Variants in CDH23 observed in about 807,000 individuals in gnomAD.
CDH23 encodes cadherin-23.
CDH23 carries 189 observed loss-of-function variants against 317.1 expected under a neutral mutation model. That is an observed-to-expected ratio of 0.60 (90% CI 0.53 to 0.67). The LOEUF (loss-of-function observed/expected upper bound fraction) is 0.67, where lower values mean the gene tolerates loss of function less well. CDH23 is among the 30% of genes least tolerant of loss of function. CDH23 has a pLI of 0.00. For missense variants in CDH23, 4,401 were observed against 4,592.4 expected, an observed-to-expected ratio of 0.96 and a Z score of 1.20; for synonymous variants, 1,839 against 1,876.8, an observed-to-expected ratio of 0.98 and a Z score of 0.52.
chr10:71,753,912 T>C (rs1840068531), intron 38 of CDH23: 4 of 456,034 alleles, frequency 8.8e-6, no homozygotes, highest in Non-Finnish European at 1.8e-5. Flanking sequence ...TATTCCCTCA[T>C]CTCATCCTCT....
At chr10:71,519,509 C>T (rs557387841) in intron 6 of CDH23, among the ~76,000 whole-genome samples, 2 of 152,338 alleles carry the variant, frequency 1.3e-5, no homozygotes, top group Admixed American at 1.3e-4. Context: ...CACCTACAGC[C>T]AAGGGCAGCT....
At chr10:71,534,285 C>G (rs1193099110) in intron 6 of CDH23, among the ~76,000 whole-genome samples, 1 of 152,060 alleles carries the variant, frequency 6.6e-6, no homozygotes, top group Non-Finnish European at 1.5e-5. Context: ...CGGAACAGGC[C>G]CCTCAACTCC....
intron 11 of CDH23, 50 bp downstream of exon 11, chr10:71,617,443 C>T: frequency 6.3e-7 from 1 of 1,590,504 alleles, no homozygotes; most frequent in East Asian, 2.3e-5. Flanking sequence ...CATCCAGACC[C>T]ACCACCCTGC....
At chr10:71,772,063 G>T (rs1187070983) in intron 38 of CDH23, among the ~76,000 whole-genome samples, 1 of 152,270 alleles carries the variant, frequency 6.6e-6, no homozygotes, top group East Asian at 1.9e-4. Context: ...CCATGGCCTT[G>T]GTGCTGAGAC....
Position 71,791,137 on chromosome 10 carries a change from G to A in CDH23, c.6055G>A (p.Val2019Met), listed in dbSNP as rs949221807. 10 of 1,606,146 alleles carry A rather than the reference G, an allele frequency of 6.2e-6. No individual in the cohort carries two copies. The highest frequency in any genetic ancestry group is 8.5e-6 in the Non-Finnish European group (10 of 1,176,678). ...LFDINSSTGV[V>M]TVRSGVIIDR... ...CTGGCGGCACCGGGTGCCAGGTGTG[G>A]TGACCGTGAGGTCAGGTGTCATCAT... is the stretch of plus-strand genomic sequence containing the variant. The change falls in exon 47 of 70, where the codon GTG (valine) becomes ATG (methionine). Residue 2019 changes from valine to methionine, a missense_variant. Physicochemically the swap from Val to Met is conservative, Grantham distance 21. Coordinates refer to ENST00000224721, the MANE Select transcript of CDH23 (RefSeq NM_022124.6).
rs1227203604 is a variant in CDH23, at chr10:71,779,515, A to G, written c.5368+68A>G. On this transcript the variant is annotated intron_variant, in intron 41 of 69. Transcript: ENST00000224721. ...CACACCCGCTCAGGGGAGGATAAGA[A>G]GGGAGGTCTCAAGGCATTTGGCCTC... is the stretch of plus-strand genomic sequence containing the variant. 4 of 1,385,394 alleles carry G rather than the reference A, an allele frequency of 2.9e-6. No homozygotes were observed. In the African/African-American group the frequency reaches 5.7e-5, roughly 20 times the overall value. The allele number at this position is 1,385,394 out of a possible 1,614,324, so 85.8% of individuals were successfully genotyped here.
chr10:71,469,850 C>A (rs1464598197), intron 3 of CDH23, among the ~76,000 whole-genome samples: 1 of 152,152 alleles, frequency 6.6e-6, no homozygotes, highest in Admixed American at 6.5e-5. Context: ...GGTGGTCTGC[C>A]CGCCTTGGCC....
chr10:71,551,234 T>C (rs74567704), intron 6 of CDH23, among the ~76,000 whole-genome samples: 3,712 of 152,362 alleles, frequency 0.024, 199 homozygotes, highest in Admixed American at 0.13. Flanking sequence ...GCCAGGGTCC[T>C]CTTCATCTGG....
At chr10:71,547,051 G>C (rs753842410) in intron 6 of CDH23, among the ~76,000 whole-genome samples, 2 of 152,222 alleles carry the variant, frequency 1.3e-5, no homozygotes, top group Non-Finnish European at 2.9e-5. Flanking sequence ...AGGGCACTGG[G>C]CCGGGCCCTG....
At chr10:71,806,475 GAA>G (rs750209737) in intron 57 of CDH23, among the ~76,000 whole-genome samples, 194 bp downstream of exon 57, 1 of 143,092 alleles carries the variant, frequency 7.0e-6, no homozygotes, top group Non-Finnish European at 1.5e-5. Context: ...ATTGAGCGCT[GAA>G]AAAAAAAAAG....
intron 6 of CDH23, among the ~76,000 whole-genome samples, chr10:71,515,932 C>T (rs1308511456): frequency 6.6e-6 from 1 of 152,154 alleles, no homozygotes; most frequent in Non-Finnish European, 1.5e-5. Context: ...GTATTGGAAA[C>T]AGTGTGGTCT....
intron 6 of CDH23, among the ~76,000 whole-genome samples, chr10:71,517,417 G>T (rs1854393080): frequency 6.6e-6 from 1 of 152,220 alleles, no homozygotes; most frequent in South Asian, 2.1e-4. Flanking sequence ...TCCAGAGCGT[G>T]CAGAGGTGGA....
chr10:71,571,609 A>G (rs971606798), intron 8 of CDH23, among the ~76,000 whole-genome samples: 3 of 152,214 alleles, frequency 2.0e-5, no homozygotes, highest in Admixed American at 6.5e-5. Flanking sequence ...CAGACGGGCA[A>G]CGGCAGCCAT....
intron 14 of CDH23, among the ~76,000 whole-genome samples, chr10:71,662,183 G>A (rs1343028904): frequency 6.6e-6 from 1 of 152,046 alleles, no homozygotes; most frequent in African/African-American, 2.4e-5. Flanking sequence ...AATCGTGTGG[G>A]TATTTAATCT....
Position 71,609,177 on chromosome 10 carries a change from G to T in CDH23, c.833-6327G>T, listed in dbSNP as rs554400050. Among the ~76,000 whole-genome samples the T allele has an allele frequency of 5.3e-5, 8 of 152,030 alleles. No homozygotes were observed. The East Asian group carries it at 1.4e-3, about 26-fold the overall frequency. ...CCTTCCAGCCTGGAGGAAGAAAGAG[G>T]TAGGGGGATAAGCCTAAGCTCCCCC... On this transcript the variant is annotated intron_variant, in intron 9 of 69. Transcript: ENST00000224721.
At chr10:71,676,774 C>G (rs1230891391) in intron 15 of CDH23, among the ~76,000 whole-genome samples, 1 of 152,178 alleles carries the variant, frequency 6.6e-6, no homozygotes, top group African/African-American at 2.4e-5. Context: ...GTGGCCTTAT[C>G]CTGGTCATCT....
At chr10:71,577,293 G>A (rs979500501) in intron 8 of CDH23, among the ~76,000 whole-genome samples, 1 of 152,060 alleles carries the variant, frequency 6.6e-6, no homozygotes, top group African/African-American at 2.4e-5. Context: ...GAATGAGTAG[G>A]GGTGTGGGCA....
chr10:71,430,293 CA>C lies in CDH23; in HGVS notation c.-5-9522del, dbSNP rs5786039. ...GAGCCTCTGCTGTCTTTTTGGAACT[CA>C]AAAAAAAAAAAGTGAGAGCCCAGTG... is the stretch of plus-strand genomic sequence containing the variant. On this transcript the variant is annotated intron_variant, in intron 1 of 69. Transcript: ENST00000224721. Among the ~76,000 whole-genome samples, 480 of 140,748 alleles carry C rather than the reference CA, an allele frequency of 3.4e-3. 3 individuals are homozygous for C. Among genetic ancestry groups the C allele is most frequent in the South Asian group, 0.029 (130 of 4,424 alleles). 92.3% of individuals were successfully genotyped at this position (140,748 alleles called of 152,430 possible). A position where few individuals can be genotyped will look rare whatever the true frequency, so the allele number is the denominator to read the frequency against.
chr10:71,774,049 GCGCACACACACACACACA>G (rs1387829745), intron 38 of CDH23, among the ~76,000 whole-genome samples: 1 of 145,490 alleles, frequency 6.9e-6, no homozygotes, highest in African/African-American at 2.6e-5. Flanking sequence ...GCATGCGCGC[GCGCACACACACACACACA>G]CACACACACA....
Sources: allele counts gnomAD v4.1 joint callset (sites outside exome capture counted in the v4.1 genomes callset), GRCh38; gene constraint gnomAD v4.1.1; transcripts MANE v1.5; gene names NCBI Gene and HGNC (gene_info 2026-07-23, HGNC 2026-07-21).